The following NBDY variants were observed in gnomAD, a reference collection of about 807,000 sequenced individuals.
The protein encoded by NBDY is P-body dissociating protein.
rs1280264535 is a variant in NBDY at position 56,732,198 on chromosome X, AGG to A, written c.*166_*166+1del. 3.4e-6 allele frequency: 1 copy of A among 294,234 alleles called. No individual in the cohort carries two copies. Among genetic ancestry groups the A allele is most frequent in the Non-Finnish European group, 5.9e-6 (1 of 169,232 alleles). 24.2% of individuals were successfully genotyped at this position (294,234 alleles called of 1,213,427 possible). ...CTGAACCTGGAAGTTGTGCTTTTTA[AGG>A]TAATCTCTTTACCAAAAATTATTAA... On this transcript the variant is annotated splice_donor_variant and 3_prime_UTR_variant, in exon 2 of 3. Coordinates refer to ENST00000374922, the MANE Select transcript of NBDY (RefSeq NM_001348129.2). LOFTEE classifies it low-confidence loss of function (3UTR_SPLICE).
intron 2 of NBDY, among the ~76,000 whole-genome samples, chrX:56,792,807 C>T (rs2069771155): frequency 9.0e-6 from 1 of 111,517 alleles, no homozygotes; most frequent in East Asian, 2.8e-4. Flanking sequence ...TATTGGGCAA[C>T]TAGGGCCTTC....
intron 2 of NBDY, among the ~76,000 whole-genome samples, chrX:56,803,676 G>A (rs1157940013): frequency 8.9e-6 from 1 of 111,895 alleles, no homozygotes; most frequent in Non-Finnish European, 1.9e-5. Flanking sequence ...TGAAGTCTGT[G>A]CCTGTCAGAA....
intron 2 of NBDY, among the ~76,000 whole-genome samples, chrX:56,767,439 C>A (rs2069672142): frequency 8.8e-6 from 1 of 113,536 alleles, no homozygotes; most frequent in Non-Finnish European, 1.9e-5. Context: ...GAGCCCCTGT[C>A]TCCACTGGCC....
chrX:56,810,188 CT>C (rs2069878801), intron 2 of NBDY, among the ~76,000 whole-genome samples: 1 of 111,277 alleles, frequency 9.0e-6, no homozygotes, highest in Non-Finnish European at 1.9e-5. Context: ...ATATTTTTTC[CT>C]TCATTTCAAC....
rs1242392354 is a variant in NBDY at position 56,753,965 on chromosome X, A to G, written c.*166+21766A>G. On this transcript the variant is annotated intron_variant, in intron 2 of 2. Coordinates refer to ENST00000374922, the MANE Select transcript of NBDY (RefSeq NM_001348129.2). ...GGAAGACATTGCTTCCAGGAATTTG[A>G]GCTGTGATGAGTAGCAAAAGGGGAA... is the stretch of plus-strand genomic sequence containing the variant. Among the ~76,000 whole-genome samples the G allele has an allele frequency of 3.6e-5, 4 of 111,266 alleles. No homozygotes were observed. The Admixed American group carries it at 3.8e-4, about 11-fold the overall frequency.
intron 2 of NBDY, among the ~76,000 whole-genome samples, chrX:56,757,451 G>A (rs911020001): frequency 1.2e-4 from 13 of 111,879 alleles, no homozygotes; most frequent in African/African-American, 3.9e-4. Context: ...CCCTTCCTTC[G>A]CTTCGTGCAC....
chrX:56,765,687 TCTCCTTCTC>T (rs1328631281), intron 2 of NBDY, among the ~76,000 whole-genome samples: 2 of 110,239 alleles, frequency 1.8e-5, no homozygotes, highest in South Asian at 3.9e-4. Context: ...CTTTAATTCT[TCTCCTTCTC>T]CTCCTTCTCC....
intron 2 of NBDY, among the ~76,000 whole-genome samples, chrX:56,786,777 GCTT>G (rs1236294103): frequency 3.6e-5 from 4 of 110,638 alleles, no homozygotes; most frequent in African/African-American, 1.3e-4. Context: ...CTAGGAGACT[GCTT>G]CTTCTTTTGC....
chrX:56,743,370 T>A (rs2069540992), intron 2 of NBDY, among the ~76,000 whole-genome samples: 1 of 111,366 alleles, frequency 9.0e-6, no homozygotes, highest in Non-Finnish European at 1.9e-5. Flanking sequence ...AGGATTGATA[T>A]TAGTTCTTCT....
chrX:56,735,586 C>G (rs760705068), intron 2 of NBDY, among the ~76,000 whole-genome samples: 1 of 111,709 alleles, frequency 9.0e-6, no homozygotes, highest in Non-Finnish European at 1.9e-5. Context: ...TCCACCCACC[C>G]GGCTCCCTAC....
chrX:56,763,824 T>C (rs770858915), intron 2 of NBDY, among the ~76,000 whole-genome samples: 1 of 112,707 alleles, frequency 8.9e-6, no homozygotes. Flanking sequence ...CTCTGTCTTT[T>C]TTTTTGTTTC....
chrX:56,789,617 G>A (rs1382380146), intron 2 of NBDY, among the ~76,000 whole-genome samples: 4 of 111,595 alleles, frequency 3.6e-5, no homozygotes, highest in East Asian at 2.8e-4. Context: ...GAGTTGGGTC[G>A]GATGTTTGTT....
intron 2 of NBDY, among the ~76,000 whole-genome samples, chrX:56,799,469 C>T (rs891807674): frequency 8.8e-5 from 10 of 113,305 alleles, no homozygotes; most frequent in Non-Finnish European, 1.9e-4. Context: ...GTTCTGTCCC[C>T]GGGCCTCTAG....
chrX:56,795,871 G>T (rs1347690651), intron 2 of NBDY, among the ~76,000 whole-genome samples: 1 of 112,476 alleles, frequency 8.9e-6, no homozygotes, highest in Non-Finnish European at 1.9e-5. Flanking sequence ...GTCTTTAGGG[G>T]TGGCATTGTG....
chrX:56,740,632 T>G (rs1156832752), intron 2 of NBDY, among the ~76,000 whole-genome samples: 1 of 111,943 alleles, frequency 8.9e-6, no homozygotes, highest in Non-Finnish European at 1.9e-5. Context: ...TGTTAGTATG[T>G]ACATACAAGT....
At chrX:56,795,450 T>C (rs1476543115) in intron 2 of NBDY, among the ~76,000 whole-genome samples, 2 of 112,477 alleles carry the variant, frequency 1.8e-5, no homozygotes, top group African/African-American at 6.5e-5. Flanking sequence ...TTACATATGC[T>C]ACCCATGCTG....
chrX:56,755,145 T>C (rs1408376360), intron 2 of NBDY, among the ~76,000 whole-genome samples: 1 of 111,870 alleles, frequency 8.9e-6, no homozygotes, highest in African/African-American at 3.3e-5. Context: ...TAATTCAAGA[T>C]GGATTAAAGA....
chrX:56,795,146 G>A (rs1175285559), intron 2 of NBDY, among the ~76,000 whole-genome samples: 1 of 112,291 alleles, frequency 8.9e-6, no homozygotes, highest in Non-Finnish European at 1.9e-5. Context: ...TGGGTAGCTC[G>A]CTTTCACCTG....
intron 2 of NBDY, among the ~76,000 whole-genome samples, chrX:56,785,052 C>A: frequency 9.0e-6 from 1 of 111,105 alleles, no homozygotes; most frequent in Admixed American, 9.5e-5. Context: ...AAAATTCATG[C>A]CACGGGTAAT....
Sources: gnomAD v4.1 joint callset for allele counts (sites outside exome capture counted in the v4.1 genomes callset) on GRCh38, gnomAD v4.1.1 for gene constraint, MANE v1.5 for transcripts, NCBI Gene and HGNC (gene_info 2026-07-23, HGNC 2026-07-21) for gene names.